KDM2A: variants seen among roughly 807,000 people sequenced by gnomAD.
The protein encoded by KDM2A is lysine demethylase 2A.
KDM2A carries 3 observed loss-of-function variants against 137.3 expected under a neutral mutation model. The observed-to-expected ratio is 0.02, with a 90% confidence interval of 0.01 to 0.06. The LOEUF (loss-of-function observed/expected upper bound fraction) is 0.06, where lower values mean the gene tolerates loss of function less well. Ranked by LOEUF, KDM2A falls within the 10% of genes least tolerant of loss-of-function variation. The pLI, the probability that KDM2A is intolerant of heterozygous loss-of-function variation, is 1.00. For missense variants in KDM2A, 738 were observed against 1,510.6 expected, an observed-to-expected ratio of 0.49 and a Z score of 8.48; for synonymous variants, 512 against 541.5, an observed-to-expected ratio of 0.95 and a Z score of 0.76.
At chr11:67,120,998 C>G (rs966390992) in intron 1 of KDM2A, among the ~76,000 whole-genome samples, 1 of 151,990 alleles carries the variant, frequency 6.6e-6, no homozygotes, top group East Asian at 1.9e-4. Flanking sequence ...TGTGGCCCTT[C>G]CACAAGGAAC....
Position 67,257,591 on chromosome 11 carries a change from A to G in KDM2A, c.*2536A>G, listed in dbSNP as rs1410176303. On this transcript the variant is annotated 3_prime_UTR_variant, in exon 21 of 21. Coordinates refer to ENST00000529006, the MANE Select transcript of KDM2A (RefSeq NM_012308.3). The stretch of plus-strand genomic sequence containing the variant: ...ACCACAAAGGAAAGGAAGAAAATTT[A>G]TATATATATAATATAAAATCACTTG... 6.6e-6 allele frequency: 1 copy of G among 152,206 alleles called. No homozygotes were observed. The highest frequency in any genetic ancestry group is 6.6e-5 in the Admixed American group (1 of 15,248). The allele number at this position is 152,206 out of a possible 1,614,324, so 9.4% of individuals were successfully genotyped here.
At chr11:67,120,583 C>G (rs1855577089) in intron 1 of KDM2A, among the ~76,000 whole-genome samples, 1 of 152,056 alleles carries the variant, frequency 6.6e-6, no homozygotes, top group Non-Finnish European at 1.5e-5. Flanking sequence ...CCAAAAAGAT[C>G]AGATGGAATT....
chr11:67,121,575 T>C (rs1360384516), intron 2 of KDM2A, among the ~76,000 whole-genome samples: 1 of 152,242 alleles, frequency 6.6e-6, no homozygotes, highest in African/African-American at 2.4e-5. Context: ...TGGAGTTATA[T>C]GTAGCCTTTA....
At chr11:67,206,959 A>T (rs1358318753) in intron 5 of KDM2A, among the ~76,000 whole-genome samples, 2 of 152,242 alleles carry the variant, frequency 1.3e-5, no homozygotes, top group African/African-American at 2.4e-5. Flanking sequence ...GAACTAGGAT[A>T]ATTATCTTCA....
At chr11:67,247,086 T>TC (rs1859269589) in intron 15 of KDM2A, among the ~76,000 whole-genome samples, 1 of 93,798 alleles carries the variant, frequency 1.1e-5, no homozygotes. Flanking sequence ...TTTTTTTTTT[T>TC]TTTTTTTTTT....
intron 2 of KDM2A, among the ~76,000 whole-genome samples, chr11:67,146,716 C>G (rs773412916): frequency 1.3e-5 from 2 of 151,950 alleles, no homozygotes; most frequent in Non-Finnish European, 2.9e-5. Flanking sequence ...TGATGTGTTG[C>G]CCAGATTGGT....
At chr11:67,240,290 C>T in intron 12 of KDM2A, 3 of 1,535,632 alleles carry the variant, frequency 2.0e-6, no homozygotes, top group Admixed American at 2.0e-5. Context: ...AGGAGAACTT[C>T]CAGTACAGAA....
chr11:67,146,527 G>C (rs998081592), intron 2 of KDM2A, among the ~76,000 whole-genome samples: 1 of 151,344 alleles, frequency 6.6e-6, no homozygotes, highest in Non-Finnish European at 1.5e-5. Context: ...TTTATTGTTT[G>C]AGACAGGGTC....
intron 16 of KDM2A, 102 bp from the exon 17 acceptor site, chr11:67,249,984 C>A: frequency 1.0e-6 from 1 of 971,520 alleles, no homozygotes; most frequent in East Asian, 2.5e-5. Flanking sequence ...CGTGACCTTT[C>A]TTCTCTCTGG....
At chr11:67,166,755 G>A (rs965111896) in intron 2 of KDM2A, among the ~76,000 whole-genome samples, 1 of 152,060 alleles carries the variant, frequency 6.6e-6, no homozygotes, top group African/African-American at 2.4e-5. Flanking sequence ...GAGTACACTG[G>A]TTCAGGTTGG....
intron 2 of KDM2A, among the ~76,000 whole-genome samples, chr11:67,131,095 C>T (rs1016907288): frequency 2.0e-5 from 3 of 152,018 alleles, no homozygotes; most frequent in African/African-American, 4.8e-5. Flanking sequence ...AAGGCCGAGG[C>T]GGGCAGATTG....
At chr11:67,253,897 A>G (rs1249625482) in intron 19 of KDM2A, among the ~76,000 whole-genome samples, 1 of 152,244 alleles carries the variant, frequency 6.6e-6, no homozygotes, top group Non-Finnish European at 1.5e-5. Context: ...AGGTGGAGTC[A>G]AAAGCTATTT....
chr11:67,141,676 A>ATAT (rs1856101791), intron 2 of KDM2A, among the ~76,000 whole-genome samples: 2 of 76,534 alleles, frequency 2.6e-5, no homozygotes, highest in African/African-American at 1.4e-4. Context: ...AAAAAAAAAA[A>ATAT]AAAAAAATAT....
chr11:67,196,427 A>C (rs1341122720), intron 5 of KDM2A: 1 of 455,992 alleles, frequency 2.2e-6, no homozygotes, highest in Non-Finnish European at 4.4e-6. Flanking sequence ...AGCATGAGCC[A>C]CAGTGCTTGG....
At chr11:67,191,429 A>G (rs1352383836) in intron 5 of KDM2A, among the ~76,000 whole-genome samples, 1 of 152,194 alleles carries the variant, frequency 6.6e-6, no homozygotes, top group Admixed American at 6.5e-5. Flanking sequence ...TTTTTGAACA[A>G]TGATGTAAAA....
intron 12 of KDM2A, among the ~76,000 whole-genome samples, chr11:67,234,398 A>T (rs1010716507): frequency 7.9e-5 from 12 of 152,232 alleles, no homozygotes; most frequent in Admixed American, 1.3e-4. Context: ...TTTCAGGAAT[A>T]ATTAGTAGAA....
intron 5 of KDM2A, among the ~76,000 whole-genome samples, chr11:67,198,622 AT>A (rs1857542001): frequency 6.6e-6 from 1 of 150,426 alleles, no homozygotes; most frequent in African/African-American, 2.4e-5. Flanking sequence ...AGTCAGGAGA[AT>A]GGCGTGAACC....
intron 12 of KDM2A, chr11:67,240,102 G>A: frequency 7.3e-7 from 1 of 1,375,996 alleles, no homozygotes; most frequent in Non-Finnish European, 9.4e-7. Flanking sequence ...TTGTTCGCAG[G>A]CACAGGAAGC....
intron 2 of KDM2A, among the ~76,000 whole-genome samples, chr11:67,142,440 C>T (rs909166004): frequency 1.3e-5 from 2 of 150,658 alleles, no homozygotes; most frequent in Non-Finnish European, 3.0e-5. Context: ...CACCTGAGGT[C>T]AGGAGTTCTA....
Sources: allele counts gnomAD v4.1 joint callset (sites outside exome capture counted in the v4.1 genomes callset), GRCh38; gene constraint gnomAD v4.1.1; transcripts MANE v1.5; gene names NCBI Gene and HGNC (gene_info 2026-07-23, HGNC 2026-07-21).